The following VPS26C variants were observed in gnomAD, a reference collection of about 807,000 sequenced individuals.
VPS26C encodes vacuolar protein sorting-associated protein 26C.
A neutral mutation model predicts 30.6 loss-of-function variants in VPS26C; 19 were observed. That is an observed-to-expected ratio of 0.62 (90% CI 0.43 to 0.91). The LOEUF (loss-of-function observed/expected upper bound fraction) is 0.91, where lower values mean the gene tolerates loss of function less well. Among genes scored for constraint, VPS26C ranks in the 40% least tolerant of loss-of-function variants. The pLI is 0.00. For missense variants in VPS26C, 318 were observed against 385.1 expected (o/e 0.83, Z 1.46); for synonymous variants, 132 against 151.5 (o/e 0.87, Z 0.95).
In VPS26C at chr21:37,238,426, T is replaced by A. The variant is rs112074434; in HGVS notation, c.351+34A>T. 75 of 1,596,776 alleles carry A rather than the reference T, an allele frequency of 4.7e-5. No individual in the cohort carries two copies. In the African/African-American group the frequency reaches 8.4e-4, roughly 18 times the overall value. Reference sequence around the variant, plus strand: ...ACACCGTTTGTCAGAAGAAAACTTGTGAAGTCAGTCGCGTAGGACTAGGAA... The same window carrying A: ...ACACCGTTTGTCAGAAGAAAACTTGAGAAGTCAGTCGCGTAGGACTAGGAA... On this transcript the variant is annotated intron_variant, in intron 3 of 7. Transcript: ENST00000309117.
At position 37,267,329 on chromosome 21, in the gene VPS26C, G is replaced by A. The variant is rs776779815; in HGVS notation, c.-35C>T. ...TCCGCAGCAGCCGCCACTTCCGGCT[G>A]CGCGTGACCCCAGGGAAACAAGGGG... On this transcript the variant is annotated 5_prime_UTR_variant, in exon 1 of 8. Transcript: ENST00000309117. 2 of 1,601,704 alleles carry A rather than the reference G, an allele frequency of 1.2e-6. No individual in the cohort carries two copies. Among genetic ancestry groups the A allele is most frequent in the African/African-American group, 2.7e-5 (2 of 74,608 alleles).
intron 1 of VPS26C, 141 bp from the exon 2 acceptor site, chr21:37,240,780 A>G: frequency 8.4e-7 from 1 of 1,193,062 alleles, no homozygotes. Flanking sequence ...ACCAGGGTGG[A>G]GAAGGCCCAG....
intron 1 of VPS26C, among the ~76,000 whole-genome samples, chr21:37,254,426 G>A (rs1156859530): frequency 2.0e-5 from 3 of 152,206 alleles, no homozygotes; most frequent in Non-Finnish European, 4.4e-5. Context: ...GAAACCAGGA[G>A]TTTAAGGCTG....
rs543651262 is a variant in VPS26C, at chr21:37,257,859, G to A, written c.57+9379C>T. On this transcript the variant is annotated intron_variant, in intron 1 of 7. Transcript: ENST00000309117. This position sits in a 1 kb window ranked among gnomAD's most constrained non-coding sequence, Gnocchi z 4.2. ...GGAAACAGTCCAGACAGAACGATGG[G>A]CTCTGCTGCCTCCGGGTGGGGCACC... 2.0e-5 allele frequency among the ~76,000 whole-genome samples: 3 copies of A among 152,208 alleles called. No individual in the cohort carries two copies. Among genetic ancestry groups the A allele is most frequent in the Non-Finnish European group, 4.4e-5 (3 of 68,038 alleles).
At position 37,234,664 on chromosome 21, in the gene VPS26C, C is replaced by T. The variant is rs2086001002; in HGVS notation, c.352-1222G>A. ...ATTATGTCAAAAATAATTTTCATAA[C>T]TCGGACTCTATGCATAACTGAATCT... is the stretch of plus-strand genomic sequence containing the variant. On this transcript the variant is annotated intron_variant, in intron 3 of 7. Transcript: ENST00000309117. 1.3e-5 allele frequency among the ~76,000 whole-genome samples: 2 copies of T among 152,180 alleles called. 1 individual carries two copies. The highest frequency in any genetic ancestry group is 4.1e-4 in the South Asian group (2 of 4,834).
intron 1 of VPS26C, among the ~76,000 whole-genome samples, chr21:37,250,640 G>A (rs111744026): frequency 2.0e-5 from 3 of 152,026 alleles, no homozygotes; most frequent in Admixed American, 6.5e-5. Flanking sequence ...CGGTGCTCAC[G>A]CCTGTAATCC....
Position 37,228,380 on chromosome 21 carries a change from C to G in VPS26C, c.508-7G>C. 6.2e-7 allele frequency: 1 copy of G among 1,613,648 alleles called. No homozygotes were observed. Among genetic ancestry groups the G allele is most frequent in the Non-Finnish European group, 8.5e-7 (1 of 1,179,848 alleles). On this transcript the variant is annotated splice_polypyrimidine_tract_variant and splice_region_variant and intron_variant, in intron 5 of 7. Transcript: ENST00000309117. Reference sequence around the variant, plus strand: ...ATTTGGGAAGCAAAGCTCTCTAAAACAAAATGAAAACAAATACATCAGAAT... The same window carrying G: ...ATTTGGGAAGCAAAGCTCTCTAAAAGAAAATGAAAACAAATACATCAGAAT...
At chr21:37,255,994 C>T (rs2086239528) in intron 1 of VPS26C, among the ~76,000 whole-genome samples, 2 of 151,902 alleles carry the variant, frequency 1.3e-5, no homozygotes, top group Admixed American at 1.3e-4. Flanking sequence ...CGCCACCACA[C>T]TAGGCTAATT....
chr21:37,241,703 T>C (rs148021324), intron 1 of VPS26C, among the ~76,000 whole-genome samples: 1,548 of 152,276 alleles, frequency 0.01, 19 homozygotes, highest in African/African-American at 0.035. Flanking sequence ...CCACCTGTGG[T>C]CCCAGCTACT....
intron 1 of VPS26C, among the ~76,000 whole-genome samples, chr21:37,263,841 G>A (rs1569243626): frequency 6.6e-6 from 1 of 152,172 alleles, no homozygotes; most frequent in African/African-American, 2.4e-5. Context: ...GAGATGTACG[G>A]AGAAAAGAGA....
intron 7 of VPS26C, 168 bp from the exon 8 acceptor site, chr21:37,225,794 A>G: frequency 9.8e-6 from 5 of 508,030 alleles, no homozygotes; most frequent in Admixed American, 3.3e-5. Context: ...CCAAACTTTC[A>G]GTGGAGATGA....
chr21:37,258,608 AGAGAGGGCATGGCTGGC>A (rs2086271732), intron 1 of VPS26C, among the ~76,000 whole-genome samples: 1 of 152,076 alleles, frequency 6.6e-6, no homozygotes, highest in African/African-American at 2.4e-5. Context: ...TTCGGGCCTA[AGAGAGGGCATGGCTGGC>A]GACACGGAGT....
chr21:37,258,143 G>A (rs1405786926), intron 1 of VPS26C, among the ~76,000 whole-genome samples: 2 of 152,254 alleles, frequency 1.3e-5, no homozygotes, highest in African/African-American at 4.8e-5. Flanking sequence ...ACCCGTTCTA[G>A]GAAAACGTTG....
At position 37,223,912 on chromosome 21, in the gene VPS26C, G is replaced by GA. The variant is rs1490556866; in HGVS notation, c.*1631dup. The GA allele has an allele frequency of 3.3e-5, 5 of 152,280 alleles. No individual in the cohort carries two copies. The highest frequency in any genetic ancestry group is 1.2e-4 in the African/African-American group (5 of 41,462). 9.4% of individuals were successfully genotyped at this position (152,280 alleles called of 1,614,324 possible). ...TGTGCAAAGCAGCATGGCTTATTTT[G>GA]AGGTCCTATTAGTTGTGGGCCAACA... On this transcript the variant is annotated 3_prime_UTR_variant, in exon 8 of 8. Coordinates refer to ENST00000309117, the MANE Select transcript of VPS26C (RefSeq NM_006052.2).
rs773824315 is a variant in VPS26C at position 37,238,604 on chromosome 21, G to C, written c.207C>G (p.Ile69Met). Reference sequence around the variant, plus strand: ...TTTCTATGGTGCTGTTGATAATCTGGATAGGCTGTAAACAAAAATCAGTTC... The same window carrying C: ...TTTCTATGGTGCTGTTGATAATCTGCATAGGCTGTAAACAAAAATCAGTTC... ...FEAFYNSVKPIQIINSTIEMV... is the reference protein window; with the variant it reads ...FEAFYNSVKPMQIINSTIEMV... The change falls in exon 3 of 8, where the codon ATC (isoleucine) becomes ATG (methionine). Residue 69 changes from isoleucine to methionine, a missense_variant. Coordinates refer to ENST00000309117, the MANE Select transcript of VPS26C (RefSeq NM_006052.2). 8.7e-6 allele frequency: 14 copies of C among 1,613,910 alleles called. No individual in the cohort carries two copies. Among genetic ancestry groups the C allele is most frequent in the Non-Finnish European group, 1.2e-5 (14 of 1,179,986 alleles).
rs930335146 is a variant in VPS26C, at chr21:37,257,446, T to C, written c.57+9792A>G. Among the ~76,000 whole-genome samples, 3 of 152,334 alleles carry C rather than the reference T, an allele frequency of 2.0e-5. No homozygotes were observed. The East Asian group carries it at 5.8e-4, about 29-fold the overall frequency. ...GACGCAGGTCAGCCCACCTAGCCGA[T>C]GGCTAACAAGTCAGTTTGTTTTCTG... On this transcript the variant is annotated intron_variant, in intron 1 of 7. Transcript: ENST00000309117. The surrounding 1 kb of genome is among the most constrained non-coding windows in gnomAD (Gnocchi z 4.2).
chr21:37,225,450 G>C lies in VPS26C; in HGVS notation c.*94C>G. 9.7e-7 allele frequency: 1 copy of C among 1,035,946 alleles called. No homozygotes were observed. Among genetic ancestry groups the C allele is most frequent in the East Asian group, 2.4e-5 (1 of 41,030 alleles). 64.2% of individuals were successfully genotyped at this position (1,035,946 alleles called of 1,614,324 possible). A position where few individuals can be genotyped will look rare whatever the true frequency, so the allele number is the denominator to read the frequency against. ...TGATACAGAATAATCACAAAAACAA[G>C]TATATGCCGCTGGCTGTAGCTCCCC... On this transcript the variant is annotated 3_prime_UTR_variant, in exon 8 of 8. Coordinates refer to ENST00000309117, the MANE Select transcript of VPS26C (RefSeq NM_006052.2).
At chr21:37,235,900 A>T (rs8127466) in intron 3 of VPS26C, among the ~76,000 whole-genome samples, 1,913 of 141,660 alleles carry the variant, frequency 0.014, 44 homozygotes, top group African/African-American at 0.046. Context: ...TAATTAAAAA[A>T]TTTTTTTCTT....
At chr21:37,236,325 T>G (rs2148289150) in intron 3 of VPS26C, among the ~76,000 whole-genome samples, 1 of 152,150 alleles carries the variant, frequency 6.6e-6, no homozygotes, top group Non-Finnish European at 1.5e-5. Flanking sequence ...TATAAAACTG[T>G]AAGAAAAAGA....
Sources: gnomAD v4.1 joint callset for allele counts (sites outside exome capture counted in the v4.1 genomes callset) on GRCh38, gnomAD v4.1.1 for gene constraint, Gnocchi (gnomAD v3.1) non-coding constraint, MANE v1.5 for transcripts, NCBI Gene and HGNC (gene_info 2026-07-23, HGNC 2026-07-21) for gene names.